NUDCD3: variants seen among roughly 807,000 people sequenced by gnomAD.
The protein encoded by NUDCD3 is NudC domain containing 3, also known as nudC domain-containing protein 3.
NUDCD3 carries 13 observed loss-of-function variants against 39.7 expected under a neutral mutation model. The ratio of observed to expected loss-of-function variants is 0.33; its 90% CI spans 0.21 to 0.52. The LOEUF is 0.52. Ranked by LOEUF, NUDCD3 falls within the 20% of genes least tolerant of loss-of-function variation. The probability of loss-of-function intolerance (pLI) is 0.96; values close to 1 mark genes in which losing one functional copy is unlikely to be tolerated. For missense variants in NUDCD3, 453 were observed against 458.1 expected (o/e 0.99, Z 0.10); for synonymous variants, 175 against 172.4 (o/e 1.02, Z -0.12).
intron 2 of NUDCD3, among the ~76,000 whole-genome samples, chr7:44,480,635 A>C (rs307014): frequency 0.16 from 24,038 of 152,020 alleles, 2,044 homozygotes; most frequent in Non-Finnish European, 0.19. Flanking sequence ...ATATTTGCTG[A>C]GGATCAAAAA....
chr7:44,419,359 C>T (rs1799093297), intron 3 of NUDCD3, among the ~76,000 whole-genome samples: 1 of 152,170 alleles, frequency 6.6e-6, no homozygotes, highest in Non-Finnish European at 1.5e-5. Flanking sequence ...AAACTCCCAT[C>T]TCCCTGGGAC....
chr7:44,453,225 C>A (rs910065847), intron 2 of NUDCD3, among the ~76,000 whole-genome samples: 6 of 152,092 alleles, frequency 3.9e-5, no homozygotes, highest in Admixed American at 1.3e-4. Flanking sequence ...TGGTGGCGTG[C>A]GCCTGTAATC....
At chr7:44,462,951 G>C (rs1420064266) in intron 2 of NUDCD3, among the ~76,000 whole-genome samples, 3 of 28,874 alleles carry the variant, frequency 1.0e-4, no homozygotes, top group African/African-American at 3.8e-4. Flanking sequence ...CAGGCTGTGT[G>C]TGTGTGTGTG....
intron 2 of NUDCD3, among the ~76,000 whole-genome samples, chr7:44,483,120 T>C (rs1469343706): frequency 6.6e-6 from 1 of 152,010 alleles, no homozygotes; most frequent in Admixed American, 6.6e-5. Context: ...CTCCCAATAG[T>C]ATAAACACAA....
At chr7:44,414,837 A>AAGCTCAC (rs1798991980) in intron 3 of NUDCD3, among the ~76,000 whole-genome samples, 1 of 152,232 alleles carries the variant, frequency 6.6e-6, no homozygotes, top group Non-Finnish European at 1.5e-5. Context: ...CACTTACATC[A>AAGCTCAC]AGCTCACAGG....
chr7:44,406,830 C>T (rs1798830187), intron 3 of NUDCD3, among the ~76,000 whole-genome samples: 1 of 152,092 alleles, frequency 6.6e-6, no homozygotes, highest in African/African-American at 2.4e-5. Flanking sequence ...CTGCAGAAGA[C>T]AAAAGGAGGA....
At chr7:44,410,920 C>A (rs1352854272) in intron 3 of NUDCD3, among the ~76,000 whole-genome samples, 1 of 152,066 alleles carries the variant, frequency 6.6e-6, no homozygotes, top group Non-Finnish European at 1.5e-5. Flanking sequence ...GAGCCAAGAT[C>A]GCGTCACTGC....
intron 5 of NUDCD3, 78 bp from the exon 6 acceptor site, chr7:44,386,199 G>A: frequency 6.7e-7 from 1 of 1,487,602 alleles, no homozygotes; most frequent in Non-Finnish European, 9.3e-7. Flanking sequence ...TCTGACTGCA[G>A]GTAGAGAGCC....
chr7:44,421,082 C>T (rs1799127778), intron 3 of NUDCD3, among the ~76,000 whole-genome samples: 2 of 152,128 alleles, frequency 1.3e-5, no homozygotes, highest in South Asian at 4.2e-4. Flanking sequence ...ACCTGTAATC[C>T]CAGAGCTTTG....
At chr7:44,427,506 C>T (rs575653464) in intron 3 of NUDCD3, 65 bp downstream of exon 3, 2 of 1,555,774 alleles carry the variant, frequency 1.3e-6, no homozygotes, top group African/African-American at 2.7e-5. Context: ...GCTGGTGGGT[C>T]TTCCCTGCAA....
intron 2 of NUDCD3, among the ~76,000 whole-genome samples, chr7:44,483,112 C>G (rs989512599): frequency 4.9e-4 from 74 of 151,802 alleles, no homozygotes; most frequent in Non-Finnish European, 1.6e-4. Context: ...TCAAAAGTCT[C>G]CCAATAGTAT....
At chr7:44,424,080 TG>T in intron 3 of NUDCD3, among the ~76,000 whole-genome samples, 1 of 152,172 alleles carries the variant, frequency 6.6e-6, no homozygotes, top group East Asian at 1.9e-4. Context: ...CTGGGAAAAC[TG>T]GCTAGCCATG....
At chr7:44,416,789 C>T (rs1022184659) in intron 3 of NUDCD3, among the ~76,000 whole-genome samples, 2 of 152,214 alleles carry the variant, frequency 1.3e-5, no homozygotes, top group African/African-American at 2.4e-5. Flanking sequence ...ACTTCACCTT[C>T]GACCCTTCTC....
chr7:44,485,111 T>C lies in NUDCD3; in HGVS notation c.366A>G (p.Thr122=). Residue 122 remains threonine, a synonymous_variant, in exon 2 of 6, where the codon ACA becomes ACG. Transcript: ENST00000355451. Reference sequence around the variant, plus strand: ...CTACTTCCTGATGCCCATCCAATTCTGTGGTGGAGTCAATCTCTATTTCCT... The same window carrying C: ...CTACTTCCTGATGCCCATCCAATTCCGTGGTGGAGTCAATCTCTATTTCCT... ...PVQEIEIDST[T]ELDGHQEVEK... is the part of the protein sequence containing the mutation. 6.2e-7 allele frequency: 1 copy of C among 1,614,214 alleles called. No individual in the cohort carries two copies. The highest frequency in any genetic ancestry group is 8.5e-7 in the Non-Finnish European group (1 of 1,180,044).
At chr7:44,398,876 G>A (rs1798672077) in intron 4 of NUDCD3, among the ~76,000 whole-genome samples, 1 of 152,196 alleles carries the variant, frequency 6.6e-6, no homozygotes, top group Admixed American at 6.5e-5. Flanking sequence ...GCTGCTGGGG[G>A]AATGTGGGCC....
At chr7:44,454,317 T>C (rs10237323) in intron 2 of NUDCD3, among the ~76,000 whole-genome samples, 20,581 of 151,908 alleles carry the variant, frequency 0.14, 1,728 homozygotes, top group Non-Finnish European at 0.19. Flanking sequence ...CCAGCCTGGG[T>C]GACGGAGTGA....
chr7:44,400,758 C>T lies in NUDCD3; in HGVS notation c.786+3682G>A, dbSNP rs116735787. 8.7e-3 allele frequency among the ~76,000 whole-genome samples: 1,320 copies of T among 152,320 alleles called. 17 individuals carry two copies. Among genetic ancestry groups the T allele is most frequent in the African/African-American group, 0.03 (1,245 of 41,562 alleles). ...TCCTGGGCTTGGTGGTTATATCATT[C>T]ATCTCTGCCCTATCTTCTCATGGCC... On this transcript the variant is annotated intron_variant, in intron 4 of 5. Transcript: ENST00000355451.
chr7:44,439,811 G>A (rs1799540992), intron 2 of NUDCD3, among the ~76,000 whole-genome samples: 3 of 152,116 alleles, frequency 2.0e-5, no homozygotes, highest in African/African-American at 7.2e-5. Context: ...CCTAATGGAA[G>A]TCCAATTAAA....
At chr7:44,433,497 G>T (rs1033204382) in intron 2 of NUDCD3, among the ~76,000 whole-genome samples, 3 of 152,004 alleles carry the variant, frequency 2.0e-5, no homozygotes, top group Non-Finnish European at 4.4e-5. Flanking sequence ...ATGTGTGTGT[G>T]GTGCATGTGG....
Sources: gnomAD v4.1 joint callset for allele counts (sites outside exome capture counted in the v4.1 genomes callset) on GRCh38, gnomAD v4.1.1 for gene constraint, MANE v1.5 for transcripts, NCBI Gene and HGNC (gene_info 2026-07-23, HGNC 2026-07-21) for gene names.